The following XPNPEP3 variants were observed in gnomAD, a reference collection of about 807,000 sequenced individuals.
The protein encoded by XPNPEP3 is X-prolyl aminopeptidase 3, also known as xaa-Pro aminopeptidase 3.
A neutral mutation model predicts 60.0 loss-of-function variants in XPNPEP3; 41 were observed. The observed-to-expected ratio is 0.68, with a 90% CI of 0.53 to 0.89. The LOEUF is 0.89. Among genes scored for constraint, XPNPEP3 ranks in the 40% least tolerant of loss-of-function variants. XPNPEP3 has a pLI of 0.00. For synonymous variants in XPNPEP3, 212 were observed against 223.2 expected (o/e 0.95, Z 0.45); for missense variants, 598 against 638.9 (o/e 0.94, Z 0.69).
chr22:40,883,394 C>G (rs1377549194), intron 3 of XPNPEP3, among the ~76,000 whole-genome samples: 1 of 151,966 alleles, frequency 6.6e-6, no homozygotes, highest in African/African-American at 2.4e-5. Context: ...CACTCTGTCA[C>G]CCAGGTTGGG....
intron 1 of XPNPEP3, chr22:40,861,372 T>C: frequency 6.2e-7 from 1 of 1,613,942 alleles, no homozygotes; most frequent in Non-Finnish European, 8.5e-7. Context: ...TCTTTCTTGA[T>C]CACTTTCAAT....
rs2094771279 is a variant in XPNPEP3 at position 40,926,590 on chromosome 22, G to A, written c.*155G>A. 2 of 1,006,048 alleles carry A rather than the reference G, an allele frequency of 2.0e-6. No homozygotes were observed. The highest frequency in any genetic ancestry group is 1.6e-5 in the African/African-American group (1 of 62,812). 62.3% of individuals were successfully genotyped at this position (1,006,048 alleles called of 1,614,324 possible). The stretch of plus-strand genomic sequence containing the variant: ...TGAATGTATGTAATTGTGTGTGGGG[G>A]GTTTTTTGTTTTAAGTAGTTAGAAG... On this transcript the variant is annotated 3_prime_UTR_variant, in exon 10 of 10. Coordinates refer to ENST00000357137, the MANE Select transcript of XPNPEP3 (RefSeq NM_022098.4).
Position 40,909,165 on chromosome 22 carries a change from A to G in XPNPEP3, c.899A>G (p.Tyr300Cys), listed in dbSNP as rs144310322. The change falls in exon 6 of 10, where the codon TAT becomes TGT. Residue 300 changes from tyrosine to cysteine, a missense_variant. Tyr to Cys is a radical substitution (Grantham distance 194). Transcript: ENST00000357137. ...CRARGADILAYPPVVAGGNRS... is the reference protein window; with the variant it reads ...CRARGADILACPPVVAGGNRS... ...GCTCGTGGCGCAGACATTTTAGCCT[A>G]TCCACCTGTGGTGGCTGGTGGTAAT... 11 of 1,614,036 alleles carry G rather than the reference A, an allele frequency of 6.8e-6. No homozygotes were observed. Among genetic ancestry groups the G allele is most frequent in the African/African-American group, 1.3e-5 (1 of 74,916 alleles).
chr22:40,891,179 C>CAAAAAA (rs989825018), intron 4 of XPNPEP3, among the ~76,000 whole-genome samples: 1 of 43,956 alleles, frequency 2.3e-5, no homozygotes, highest in Non-Finnish European at 4.4e-5. Context: ...CCCATTTCTA[C>CAAAAAA]AAAAAAAAAA....
At chr22:40,861,093 T>G in intron 1 of XPNPEP3, 1 of 1,597,442 alleles carries the variant, frequency 6.3e-7, no homozygotes, top group Non-Finnish European at 8.5e-7. Context: ...AGACTTCTTT[T>G]GCACCTCTTT....
Position 40,929,197 on chromosome 22 carries a change from T to C in XPNPEP3, c.*2762T>C, listed in dbSNP as rs181614337. 1,809 of 149,646 alleles carry C rather than the reference T, an allele frequency of 0.012. 33 individuals are homozygous for C. The highest frequency in any genetic ancestry group is 0.04 in the African/African-American group (1,611 of 40,730). 9.3% of individuals were successfully genotyped at this position (149,646 alleles called of 1,614,324 possible). On this transcript the variant is annotated 3_prime_UTR_variant, in exon 10 of 10. Coordinates refer to ENST00000357137, the MANE Select transcript of XPNPEP3 (RefSeq NM_022098.4). ...GTATCATTTTCTTTTCTTTTCTTTT[T>C]TTTTTTTTTTTTGAGACGGAGTCTC...
intron 4 of XPNPEP3, among the ~76,000 whole-genome samples, chr22:40,891,681 A>T (rs1332584559): frequency 6.6e-6 from 1 of 151,862 alleles, no homozygotes; most frequent in Non-Finnish European, 1.5e-5. Flanking sequence ...ACAAGGTTTG[A>T]CAGATGTTCA....
chr22:40,913,719 G>T (rs765649409), intron 6 of XPNPEP3, among the ~76,000 whole-genome samples: 1 of 152,122 alleles, frequency 6.6e-6, no homozygotes, highest in Non-Finnish European at 1.5e-5. Context: ...CTTTCTTGTG[G>T]CAGGGTGAAT....
rs540951032 is a variant in XPNPEP3, at chr22:40,871,057, A to ATG, written c.181+1944_181+1945dup. ...AAAAAAGGAAAAAAAATTTAAAGGC[A>ATG]TGTAATACTTAAAAAGTCTCTTAGG... On this transcript the variant is annotated intron_variant, in intron 2 of 9. Coordinates refer to ENST00000357137, the MANE Select transcript of XPNPEP3 (RefSeq NM_022098.4). 2.2e-4 allele frequency among the ~76,000 whole-genome samples: 34 copies of ATG among 151,992 alleles called. 1 individual carries two copies. Among genetic ancestry groups the ATG allele is most frequent in the Non-Finnish European group, 4.9e-4 (33 of 67,992 alleles).
At chr22:40,893,274 G>A (rs572697350) in intron 4 of XPNPEP3, among the ~76,000 whole-genome samples, 18 of 150,858 alleles carry the variant, frequency 1.2e-4, no homozygotes, top group African/African-American at 4.1e-4. Flanking sequence ...TTGGGAGGCC[G>A]AGGCAGGCGG....
intron 3 of XPNPEP3, among the ~76,000 whole-genome samples, chr22:40,886,032 T>G (rs562900155): frequency 6.6e-6 from 1 of 152,282 alleles, no homozygotes; most frequent in South Asian, 2.1e-4. Context: ...ACTAAAGCTT[T>G]AGTCCCGTAT....
chr22:40,905,219 A>C (rs949789790), intron 4 of XPNPEP3, among the ~76,000 whole-genome samples: 1 of 151,894 alleles, frequency 6.6e-6, no homozygotes, highest in Non-Finnish European at 1.5e-5. Context: ...AACTAGGACC[A>C]CAGGCGCGTA....
intron 4 of XPNPEP3, among the ~76,000 whole-genome samples, chr22:40,894,404 G>C (rs927205729): frequency 1.3e-5 from 2 of 152,072 alleles, no homozygotes; most frequent in African/African-American, 4.8e-5. Flanking sequence ...TATGTATAAA[G>C]TGTACAACAT....
chr22:40,897,402 T>G (rs1412928308), intron 4 of XPNPEP3, among the ~76,000 whole-genome samples: 2 of 152,182 alleles, frequency 1.3e-5, no homozygotes, highest in Non-Finnish European at 2.9e-5. Flanking sequence ...AATGCTGCTA[T>G]GTACCTGGGT....
chr22:40,901,526 C>T (rs1306717231), intron 4 of XPNPEP3, among the ~76,000 whole-genome samples: 2 of 152,206 alleles, frequency 1.3e-5, no homozygotes, highest in African/African-American at 2.4e-5. Flanking sequence ...TGAGCCACCA[C>T]GCCGGGCCTA....
intron 1 of XPNPEP3, among the ~76,000 whole-genome samples, chr22:40,867,969 C>T (rs1173173888): frequency 1.3e-5 from 2 of 148,776 alleles, no homozygotes; most frequent in African/African-American, 4.9e-5. Context: ...ACAAACAAAA[C>T]TCCTTATGTG....
chr22:40,876,660 T>G (rs1014927791), intron 2 of XPNPEP3, among the ~76,000 whole-genome samples: 2 of 150,956 alleles, frequency 1.3e-5, no homozygotes, highest in Non-Finnish European at 3.0e-5. Context: ...ATAATACCTG[T>G]GTCACTCAGT....
chr22:40,857,362 C>G, intron 1 of XPNPEP3, 117 bp downstream of exon 1: 1 of 1,129,464 alleles, frequency 8.9e-7, no homozygotes, highest in Non-Finnish European at 1.3e-6. Flanking sequence ...GCTCCCCAAC[C>G]CTCTGTGCTC....
chr22:40,877,441 C>T (rs866680294), intron 2 of XPNPEP3, among the ~76,000 whole-genome samples: 1 of 152,170 alleles, frequency 6.6e-6, no homozygotes, highest in Non-Finnish European at 1.5e-5. Context: ...ATCATTTCAT[C>T]CATTTTCAGT....
Sources: gnomAD v4.1 joint callset for allele counts (sites outside exome capture counted in the v4.1 genomes callset) on GRCh38, gnomAD v4.1.1 for gene constraint, MANE v1.5 for transcripts, NCBI Gene and HGNC (gene_info 2026-07-23, HGNC 2026-07-21) for gene names.